The following TSHZ2 variants were observed in gnomAD, a reference collection of about 807,000 sequenced individuals.
TSHZ2 encodes the protein teashirt homolog 2.
TSHZ2 carries 21 observed loss-of-function variants against 74.4 expected under a neutral mutation model. That is an observed-to-expected ratio of 0.28 (90% CI 0.20 to 0.41). The LOEUF is 0.41. Ranked by LOEUF, TSHZ2 falls within the 10% of genes least tolerant of loss-of-function variation. The pLI is 1.00. For missense variants in TSHZ2, 1,244 were observed against 1,293.5 expected (o/e 0.96, Z 0.59); for synonymous variants, 540 against 515.3 (o/e 1.05, Z -0.65).
At chr20:53,165,666 A>G (rs1330420162) in intron 1 of TSHZ2, among the ~76,000 whole-genome samples, 5 of 152,224 alleles carry the variant, frequency 3.3e-5, no homozygotes, top group African/African-American at 9.6e-5. Flanking sequence ...GTCTTGCCCA[A>G]TTGGGCGACT....
chr20:53,186,655 C>T (rs1431182423), intron 1 of TSHZ2, among the ~76,000 whole-genome samples: 2 of 152,154 alleles, frequency 1.3e-5, no homozygotes, highest in African/African-American at 2.4e-5. Context: ...TTTTCACCTG[C>T]CTGCAGGCAT....
intron 1 of TSHZ2, among the ~76,000 whole-genome samples, chr20:53,245,068 C>T (rs1990169891): frequency 6.6e-6 from 1 of 152,144 alleles, no homozygotes; most frequent in African/African-American, 2.4e-5. Context: ...ATCAGATGTA[C>T]AGTGGTTGGA....
intron 2 of TSHZ2, among the ~76,000 whole-genome samples, chr20:53,432,484 T>C (rs926218012): frequency 1.3e-5 from 2 of 152,230 alleles, no homozygotes; most frequent in African/African-American, 4.8e-5. Context: ...TATGAGTAGA[T>C]ACCTAGTAGT....
At chr20:53,384,057 G>A (rs577326515) in intron 2 of TSHZ2, among the ~76,000 whole-genome samples, 132 of 152,218 alleles carry the variant, frequency 8.7e-4, no homozygotes, top group African/African-American at 3.0e-3. Flanking sequence ...TTCGAAACCC[G>A]AAGACATCAG....
chr20:53,342,952 TTTC>T (rs1980270645), intron 2 of TSHZ2, among the ~76,000 whole-genome samples: 3 of 141,024 alleles, frequency 2.1e-5, no homozygotes, highest in African/African-American at 5.5e-5. Flanking sequence ...TTTCTTTTCT[TTTC>T]TTTTTTTTTT....
In TSHZ2 at chr20:53,410,615, A is replaced by ATTATTG. The variant is rs1450480315; in HGVS notation, c.*9-76524_*9-76523insGTTATT. Among the ~76,000 whole-genome samples, 7 of 147,430 alleles carry ATTATTG rather than the reference A, an allele frequency of 4.7e-5. No homozygotes were observed. The East Asian group carries it at 1.4e-3, about 29-fold the overall frequency. On this transcript the variant is annotated intron_variant, in intron 2 of 2. Coordinates refer to ENST00000371497, the MANE Select transcript of TSHZ2 (RefSeq NM_173485.6). ...TATTATTATTATTATTATTATTATTATTATTATTATTAGCTGTGTTATATT... is the reference window on the plus strand; with the variant it reads ...TATTATTATTATTATTATTATTATTATTATTGTTATTATTATTAGCTGTGTTATATT...
intron 1 of TSHZ2, among the ~76,000 whole-genome samples, chr20:53,190,139 T>TATATATATATATATA (rs1568803578): frequency 4.0e-5 from 2 of 49,386 alleles, no homozygotes; most frequent in East Asian, 7.9e-4. Context: ...ATATATATAT[T>TATATATATATATATA]TTCTTAAATG....
At chr20:53,262,237 T>G (rs914659593) in intron 2 of TSHZ2, among the ~76,000 whole-genome samples, 2 of 151,650 alleles carry the variant, frequency 1.3e-5, no homozygotes, top group African/African-American at 4.9e-5. Context: ...TTTTTAACTA[T>G]CAAGTTTAAA....
intron 1 of TSHZ2, among the ~76,000 whole-genome samples, chr20:53,034,436 T>G (rs1983748782): frequency 6.6e-6 from 1 of 152,178 alleles, no homozygotes; most frequent in Non-Finnish European, 1.5e-5. Context: ...CACTGGGTAC[T>G]GGGGATAAAG....
At chr20:52,977,464 A>G (rs1037701316) in intron 1 of TSHZ2, among the ~76,000 whole-genome samples, 1 of 142,814 alleles carries the variant, frequency 7.0e-6, no homozygotes, top group African/African-American at 2.6e-5. Context: ...ACACACACAC[A>G]CACACGCATG....
At chr20:53,165,811 C>G (rs1016920332) in intron 1 of TSHZ2, among the ~76,000 whole-genome samples, 1 of 152,156 alleles carries the variant, frequency 6.6e-6, no homozygotes, top group African/African-American at 2.4e-5. Flanking sequence ...GGTAGTCCTC[C>G]CAGCCACCCT....
intron 1 of TSHZ2, among the ~76,000 whole-genome samples, chr20:52,990,402 T>C (rs1981936085): frequency 7.3e-6 from 1 of 137,718 alleles, no homozygotes; most frequent in Non-Finnish European, 1.5e-5. Flanking sequence ...AAATAAAATA[T>C]ATCAATAATC....
At chr20:53,483,907 A>G (rs1392156606) in intron 2 of TSHZ2, among the ~76,000 whole-genome samples, 2 of 152,326 alleles carry the variant, frequency 1.3e-5, no homozygotes, top group African/African-American at 2.4e-5. Context: ...TAATAAAACA[A>G]AGTTCCATGA....
chr20:52,984,007 C>G (rs1179784211), intron 1 of TSHZ2, among the ~76,000 whole-genome samples: 1 of 152,200 alleles, frequency 6.6e-6, no homozygotes, highest in Admixed American at 6.5e-5. Flanking sequence ...CTGGTAACGC[C>G]TTCTTCACTT....
intron 2 of TSHZ2, among the ~76,000 whole-genome samples, chr20:53,441,601 G>C (rs1278168889): frequency 6.8e-6 from 1 of 147,848 alleles, no homozygotes; most frequent in Non-Finnish European, 1.5e-5. Context: ...TTTTATTTTT[G>C]AGATGGAGTC....
At chr20:53,095,101 C>T (rs564474160) in intron 1 of TSHZ2, among the ~76,000 whole-genome samples, 3 of 152,288 alleles carry the variant, frequency 2.0e-5, no homozygotes, top group Non-Finnish European at 2.9e-5. Flanking sequence ...TCACGCAACT[C>T]AAAAGTCTAG....
At chr20:53,325,737 G>C (rs187399401) in intron 2 of TSHZ2, among the ~76,000 whole-genome samples, 2 of 152,222 alleles carry the variant, frequency 1.3e-5, no homozygotes, top group Admixed American at 1.3e-4. Flanking sequence ...ATAGGAGGAA[G>C]TAAAGCAAAT....
chr20:52,994,044 G>A (rs1982084785), intron 1 of TSHZ2, among the ~76,000 whole-genome samples: 1 of 152,148 alleles, frequency 6.6e-6, no homozygotes, highest in South Asian at 2.1e-4. Context: ...AGAAGGGATG[G>A]ATAGATCAAA....
chr20:53,405,112 G>T (rs1452903205), intron 2 of TSHZ2, among the ~76,000 whole-genome samples: 2 of 152,220 alleles, frequency 1.3e-5, no homozygotes, highest in East Asian at 3.9e-4. Flanking sequence ...AGCCAGCTGT[G>T]GTTGCGCGTA....
Sources: gnomAD v4.1 joint callset for allele counts (sites outside exome capture counted in the v4.1 genomes callset) on GRCh38, gnomAD v4.1.1 for gene constraint, MANE v1.5 for transcripts, NCBI Gene and HGNC (gene_info 2026-07-23, HGNC 2026-07-21) for gene names.